The following GTF2E2 variants were observed in gnomAD, a reference collection of about 807,000 sequenced individuals.
GTF2E2 encodes transcription initiation factor IIE subunit beta.
A neutral mutation model predicts 40.5 loss-of-function variants in GTF2E2; 21 were observed. That is an observed-to-expected ratio of 0.52 (90% CI 0.37 to 0.75). The LOEUF (loss-of-function observed/expected upper bound fraction) is 0.75, where lower values mean the gene tolerates loss of function less well. Ranked by LOEUF, GTF2E2 falls within the 30% of genes least tolerant of loss-of-function variation. The pLI is 0.00. For missense variants in GTF2E2, 298 were observed against 338.4 expected (o/e 0.88, Z 0.94); for synonymous variants, 117 against 121.6 (o/e 0.96, Z 0.25).
At chr8:30,633,444 G>GT (rs1244784281) in intron 3 of GTF2E2, among the ~76,000 whole-genome samples, 1 of 152,044 alleles carries the variant, frequency 6.6e-6, no homozygotes, top group Non-Finnish European at 1.5e-5. Flanking sequence ...CAGAAATTCT[G>GT]TATTTCTGGT....
At chr8:30,645,840 C>A in intron 2 of GTF2E2, 1 of 393,840 alleles carries the variant, frequency 2.5e-6, no homozygotes, top group South Asian at 6.4e-5. Context: ...ACTTCAAAAA[C>A]TGGATAAAAG....
At chr8:30,644,409 G>A (rs1252450590) in intron 2 of GTF2E2, 1 of 152,120 alleles carries the variant, frequency 6.6e-6, no homozygotes, top group Non-Finnish European at 1.5e-5. Context: ...TCTCTTCACA[G>A]ATCACTCTAA....
intron 6 of GTF2E2, among the ~76,000 whole-genome samples, chr8:30,593,865 G>C (rs978648423): frequency 3.3e-5 from 5 of 152,082 alleles, no homozygotes; most frequent in African/African-American, 1.2e-4. Context: ...TAGCTTTCCT[G>C]ATAGTGTTTG....
At chr8:30,657,942 G>A (rs993092924) in intron 1 of GTF2E2, 31 bp downstream of exon 1, 1 of 152,134 alleles carries the variant, frequency 6.6e-6, no homozygotes, top group African/African-American at 2.4e-5. Context: ...CCGGGGCTCT[G>A]CGCCCCACAC....
chr8:30,650,812 G>A (rs1164838176), intron 2 of GTF2E2, among the ~76,000 whole-genome samples: 7 of 152,126 alleles, frequency 4.6e-5, no homozygotes, highest in African/African-American at 2.4e-5. Flanking sequence ...TCAGGAGATC[G>A]AGACCATCCT....
At chr8:30,615,998 G>A (rs909933434) in intron 3 of GTF2E2, among the ~76,000 whole-genome samples, 1 of 152,032 alleles carries the variant, frequency 6.6e-6, no homozygotes, top group African/African-American at 2.4e-5. Context: ...GTGCTAAAAC[G>A]AAATGAGCTA....
At chr8:30,579,904 C>T (rs924754639) in intron 7 of GTF2E2, among the ~76,000 whole-genome samples, 3 of 152,160 alleles carry the variant, frequency 2.0e-5, no homozygotes, top group African/African-American at 4.8e-5. Context: ...GCGAGGCTCA[C>T]GGAGCAGGGG....
intron 6 of GTF2E2, among the ~76,000 whole-genome samples, chr8:30,590,243 T>C (rs1318958823): frequency 2.0e-5 from 3 of 152,220 alleles, no homozygotes; most frequent in Non-Finnish European, 2.9e-5. Flanking sequence ...CTGAGATTCA[T>C]CCATGTTGTT....
intron 3 of GTF2E2, among the ~76,000 whole-genome samples, chr8:30,626,255 C>T (rs1449112515): frequency 1.3e-5 from 2 of 152,128 alleles, no homozygotes; most frequent in Non-Finnish European, 2.9e-5. Context: ...GGGAGGCCAA[C>T]GTGGGCAGAT....
intron 5 of GTF2E2, among the ~76,000 whole-genome samples, chr8:30,609,374 C>T (rs1829419066): frequency 6.6e-6 from 1 of 150,716 alleles, no homozygotes; most frequent in Admixed American, 6.6e-5. Flanking sequence ...GAAAATATCC[C>T]AAAATTTGAA....
chr8:30,611,911 G>A (rs1383264533), intron 5 of GTF2E2, among the ~76,000 whole-genome samples: 2 of 152,146 alleles, frequency 1.3e-5, no homozygotes, highest in Non-Finnish European at 2.9e-5. Flanking sequence ...AAAACAGCCA[G>A]GTTATTAACC....
chr8:30,589,843 A>G (rs1308501809), intron 6 of GTF2E2, among the ~76,000 whole-genome samples: 3 of 152,200 alleles, frequency 2.0e-5, no homozygotes, highest in Admixed American at 1.3e-4. Context: ...AACACCAGAC[A>G]CCAAAACAAG....
intron 6 of GTF2E2, among the ~76,000 whole-genome samples, chr8:30,593,156 A>G (rs537825549): frequency 3.3e-5 from 5 of 152,178 alleles, no homozygotes; most frequent in African/African-American, 1.2e-4. Flanking sequence ...ACACCATTGC[A>G]CTCCAACCAG....
In GTF2E2 at chr8:30,607,091, G is replaced by A. The variant is rs1271160778; in HGVS notation, c.609C>T (p.Phe203=). ...NRPDKKKILF[F]NDKSCQFSVD... is the part of the protein sequence containing the mutation. ...CAGAAAACTGACAGCTCTTATCATT[G>A]AAGAAAAGTATTTTCTTCTTATCGG... The change falls in exon 6 of 8, where the codon TTC becomes TTT. Residue 203 remains phenylalanine (F), a synonymous_variant. Transcript: ENST00000355904. 1 of 1,481,608 alleles carries A rather than the reference G, an allele frequency of 6.7e-7. No homozygotes were observed. The highest frequency in any genetic ancestry group is 9.3e-7 in the Non-Finnish European group (1 of 1,072,984). 91.8% of individuals were successfully genotyped at this position (1,481,608 alleles called of 1,614,324 possible).
chr8:30,639,258 C>T (rs1801724378), intron 2 of GTF2E2, among the ~76,000 whole-genome samples: 1 of 152,102 alleles, frequency 6.6e-6, no homozygotes, highest in Admixed American at 6.5e-5. Flanking sequence ...TTATACTACA[C>T]TGAACAGATA....
At chr8:30,624,689 G>A (rs1475271643) in intron 3 of GTF2E2, among the ~76,000 whole-genome samples, 1 of 151,902 alleles carries the variant, frequency 6.6e-6, no homozygotes, top group Non-Finnish European at 1.5e-5. Flanking sequence ...TTATTTCATT[G>A]AGCAGTGGTT....
intron 3 of GTF2E2, among the ~76,000 whole-genome samples, chr8:30,617,804 A>G (rs1437771103): frequency 6.6e-6 from 1 of 152,036 alleles, no homozygotes; most frequent in Admixed American, 6.6e-5. Context: ...GGCATCTTCA[A>G]TCAGAAGAAA....
intron 2 of GTF2E2, among the ~76,000 whole-genome samples, chr8:30,647,665 A>C (rs1257875770): frequency 6.6e-6 from 1 of 152,242 alleles, no homozygotes. Flanking sequence ...ATTAGAAACA[A>C]ACACAAATAA....
chr8:30,640,966 G>C (rs564776378), intron 2 of GTF2E2, among the ~76,000 whole-genome samples: 2 of 152,236 alleles, frequency 1.3e-5, no homozygotes, highest in African/African-American at 4.8e-5. Context: ...CAGCCTCCCA[G>C]AGTGCTAGGA....
Sources: allele counts gnomAD v4.1 joint callset (sites outside exome capture counted in the v4.1 genomes callset), GRCh38; gene constraint gnomAD v4.1.1; transcripts MANE v1.5; gene names NCBI Gene and HGNC (gene_info 2026-07-23, HGNC 2026-07-21).